TBC1D5: variants seen among roughly 807,000 people sequenced by gnomAD.
TBC1D5 encodes TBC1 domain family, member 5.
A neutral mutation model predicts 100.3 loss-of-function variants in TBC1D5; 75 were observed. That is an observed-to-expected ratio of 0.75 (90% CI 0.62 to 0.91). The LOEUF is 0.91. Ranked by LOEUF, TBC1D5 falls within the 40% of genes least tolerant of loss-of-function variation. TBC1D5 has a pLI of 0.00. For missense variants in TBC1D5, 910 were observed against 942.4 expected (o/e 0.97, Z 0.45); for synonymous variants, 323 against 325.6 (o/e 0.99, Z 0.09).
chr3:17,177,108 A>T (rs1188088606), intron 19 of TBC1D5, among the ~76,000 whole-genome samples: 3 of 152,196 alleles, frequency 2.0e-5, no homozygotes, highest in African/African-American at 7.2e-5. Context: ...TTGGTATTAA[A>T]TTTTTTTAAA....
intron 19 of TBC1D5, among the ~76,000 whole-genome samples, chr3:17,170,601 G>A (rs572577326): frequency 2.0e-5 from 3 of 152,220 alleles, no homozygotes; most frequent in South Asian, 4.2e-4. Context: ...AGGTAATGGC[G>A]GGGCCCATGG....
intron 1 of TBC1D5, among the ~76,000 whole-genome samples, chr3:17,651,132 T>C (rs369055970): frequency 6.6e-6 from 1 of 152,140 alleles, no homozygotes; most frequent in Non-Finnish European, 1.5e-5. Context: ...TAAAAGTGAG[T>C]TCTCTCATTT....
At chr3:17,741,797 C>T (rs748171237), upstream of TBC1D5, among the ~76,000 whole-genome samples, 54 of 111,076 alleles carry the variant, frequency 4.9e-4, no homozygotes, top group African/African-American at 1.8e-3. Context: ...GCCCTCCCTG[C>T]GAATTTTTTT....
intron 1 of TBC1D5, among the ~76,000 whole-genome samples, chr3:17,684,933 A>G (rs1454896592): frequency 6.6e-6 from 1 of 152,074 alleles, no homozygotes. Flanking sequence ...TTCCAGTAGT[A>G]GAACAGATTT....
chr3:17,211,980 C>T (rs1384277744), intron 18 of TBC1D5, among the ~76,000 whole-genome samples: 1 of 152,146 alleles, frequency 6.6e-6, no homozygotes, highest in African/African-American at 2.4e-5. Flanking sequence ...GTGGTTAAAA[C>T]GCCAGAAGCT....
intron 1 of TBC1D5, among the ~76,000 whole-genome samples, chr3:17,689,857 T>A (rs1205584213): frequency 6.6e-6 from 1 of 151,280 alleles, no homozygotes; most frequent in African/African-American, 2.4e-5. Flanking sequence ...AAACCTATCA[T>A]CCCTAAACAT....
chr3:17,612,291 C>T (rs2061730510), intron 2 of TBC1D5, among the ~76,000 whole-genome samples: 1 of 134,684 alleles, frequency 7.4e-6, no homozygotes, highest in South Asian at 2.5e-4. Context: ...CAGACTAAGA[C>T]ACCGTCTCAA....
intron 18 of TBC1D5, 98 bp from the exon 20 acceptor site, chr3:17,185,306 A>ACG: frequency 2.2e-6 from 2 of 910,536 alleles, no homozygotes; most frequent in Non-Finnish European, 1.6e-6. Context: ...AAGAAGCATG[A>ACG]TACCTTTTTA....
chr3:17,256,385 TATATATATATA>T (rs934908586), intron 16 of TBC1D5, among the ~76,000 whole-genome samples: 1 of 132,984 alleles, frequency 7.5e-6, no homozygotes. Flanking sequence ...TCAATGTGTT[TATATATATATA>T]ATATATATAT....
intron 12 of TBC1D5, among the ~76,000 whole-genome samples, chr3:17,373,563 TA>T (rs1165494097): frequency 2.0e-5 from 3 of 152,136 alleles, no homozygotes; most frequent in African/African-American, 7.2e-5. Flanking sequence ...AGCTTGTATA[TA>T]AATGCTCAAA....
At chr3:17,320,634 T>C (rs1448195414) in intron 13 of TBC1D5, among the ~76,000 whole-genome samples, 2 of 152,196 alleles carry the variant, frequency 1.3e-5, no homozygotes, top group Non-Finnish European at 2.9e-5. Context: ...CCTAATAACA[T>C]AACACTCATC....
chr3:17,174,841 C>T (rs1424637628), intron 19 of TBC1D5, among the ~76,000 whole-genome samples: 1 of 152,136 alleles, frequency 6.6e-6, no homozygotes, highest in East Asian at 1.9e-4. Flanking sequence ...ATCCGCCCGC[C>T]TCGGCCTCCT....
intron 2 of TBC1D5, among the ~76,000 whole-genome samples, chr3:17,596,819 C>T (rs1036051636): frequency 8.6e-5 from 13 of 151,634 alleles, no homozygotes; most frequent in East Asian, 1.9e-4. Context: ...GTCTACCATA[C>T]TCCCCAACAC....
intron 15 of TBC1D5, among the ~76,000 whole-genome samples, chr3:17,284,096 A>G (rs933681313): frequency 2.7e-5 from 4 of 149,444 alleles, no homozygotes; most frequent in Non-Finnish European, 5.9e-5. Flanking sequence ...TTTTACACAC[A>G]CACACACACA....
intron 15 of TBC1D5, among the ~76,000 whole-genome samples, chr3:17,261,937 T>C (rs1478109183): frequency 1.3e-5 from 2 of 152,038 alleles, no homozygotes; most frequent in African/African-American, 2.4e-5. Context: ...TAAGAGCTAC[T>C]AGAATTCTAT....
At chr3:17,314,520 C>T (rs932232288) in intron 13 of TBC1D5, among the ~76,000 whole-genome samples, 2 of 152,122 alleles carry the variant, frequency 1.3e-5, no homozygotes, top group African/African-American at 4.8e-5. Flanking sequence ...ATGCCCATAC[C>T]TCCAATGTTC....
At chr3:17,355,503 C>A (rs926670645) in intron 13 of TBC1D5, among the ~76,000 whole-genome samples, 1 of 152,078 alleles carries the variant, frequency 6.6e-6, no homozygotes, top group Non-Finnish European at 1.5e-5. Flanking sequence ...ACAAGTTTTA[C>A]TCTAAAGTAA....
intron 13 of TBC1D5, among the ~76,000 whole-genome samples, chr3:17,332,940 A>T (rs192661767): frequency 7.9e-5 from 12 of 152,252 alleles, no homozygotes; most frequent in Admixed American, 7.2e-4. Context: ...GTTTTGCTCT[A>T]AAGGGTGGTA....
chr3:17,421,493 C>T (rs2094206530), intron 4 of TBC1D5, among the ~76,000 whole-genome samples: 1 of 151,970 alleles, frequency 6.6e-6, no homozygotes, highest in African/African-American at 2.4e-5. Flanking sequence ...CATTTATTGC[C>T]ACTTTAGAAC....
Sources: allele counts gnomAD v4.1 joint callset (sites outside exome capture counted in the v4.1 genomes callset), GRCh38; gene constraint gnomAD v4.1.1; transcripts MANE v1.5; gene names NCBI Gene and HGNC (gene_info 2026-07-23, HGNC 2026-07-21).